MAEL: variants seen among roughly 807,000 people sequenced by gnomAD.
The protein encoded by MAEL is protein maelstrom homolog.
In MAEL, 46 loss-of-function variants were observed where a neutral mutation model predicts 62.0. That is an observed-to-expected ratio of 0.74 (90% CI 0.59 to 0.95). The LOEUF (loss-of-function observed/expected upper bound fraction) is 0.95. MAEL is among the 40% of genes least tolerant of loss of function. The pLI, the probability that MAEL is intolerant of heterozygous loss-of-function variation, is 0.00. For synonymous variants in MAEL, 172 were observed against 175.5 expected (o/e 0.98, Z 0.16); for missense variants, 497 against 526.8 (o/e 0.94, Z 0.55).
At chr1:166,987,461 G>C (rs1050025900), upstream of MAEL, among the ~76,000 whole-genome samples, 5 of 152,142 alleles carry the variant, frequency 3.3e-5, no homozygotes. Context: ...GAGCTCTTAT[G>C]AATAGTGCTA....
intron 1 of MAEL, among the ~76,000 whole-genome samples, chr1:166,980,756 C>T (rs1663736991): frequency 6.6e-6 from 1 of 152,070 alleles, no homozygotes; most frequent in Admixed American, 6.6e-5. Flanking sequence ...ATTGACAGCC[C>T]CCCAGATGAG....
rs1430065372 is a variant in MAEL at position 166,991,412 on chromosome 1, T to C, written c.260T>C (p.Met87Thr). ...TTCACACCACTGAGGAGGCCAGGCA[T>C]GCTTGTACCAAAGCAGAATGTTTCA... is the stretch of plus-strand genomic sequence containing the variant. Reference protein sequence around the residue: ...PVFTPLRRPGMLVPKQNVSPP... With the variant: ...PVFTPLRRPGTLVPKQNVSPP... Residue 87 changes from methionine to threonine, a missense_variant, in exon 3 of 12, where the codon ATG becomes ACG. Met to Thr is a moderately conservative substitution (Grantham distance 81). Transcript: ENST00000367872. 5 of 1,613,432 alleles carry C rather than the reference T, an allele frequency of 3.1e-6. No individual in the cohort carries two copies. Among genetic ancestry groups the C allele is most frequent in the Non-Finnish European group, 4.2e-6 (5 of 1,179,538 alleles).
chr1:167,017,956 C>T lies in MAEL; in HGVS notation c.1038C>T (p.Tyr346=), dbSNP rs149792560. 622 of 1,612,782 alleles carry T rather than the reference C, an allele frequency of 3.9e-4. 6 individuals are homozygous for T. The African/African-American group carries it at 7.3e-3, about 19-fold the overall frequency. Residue 346 remains tyrosine, a synonymous_variant, in exon 10 of 12, where the codon TAC becomes TAT. Transcript: ENST00000367872. ...TGGTTGTATTGGATGCAGGGCGTTA[C>T]CAGGTAAGGAACTGACTTTTAAGAG... The part of the protein sequence containing the change: ...PKMVVLDAGR[Y]QKLRVGSSGF...
chr1:166,984,296 C>T (rs1296396234), upstream of MAEL, among the ~76,000 whole-genome samples: 2 of 152,174 alleles, frequency 1.3e-5, no homozygotes, highest in African/African-American at 4.8e-5. Context: ...CACATGGACT[C>T]CTGAAGGAGC....
upstream of MAEL, among the ~76,000 whole-genome samples, chr1:166,988,481 C>A (rs1664001583): frequency 6.6e-6 from 1 of 151,580 alleles, no homozygotes; most frequent in Non-Finnish European, 1.5e-5. Context: ...TATACATACA[C>A]TTAGAAAGCT....
intron 5 of MAEL, among the ~76,000 whole-genome samples, chr1:166,999,528 G>A (rs939773973): frequency 5.9e-5 from 9 of 152,248 alleles, no homozygotes; most frequent in African/African-American, 2.2e-4. Flanking sequence ...TTTAAGGAAA[G>A]AAGCCATCTC....
In MAEL at chr1:167,005,206, A is replaced by G. The variant is rs746463825; in HGVS notation, c.704-50A>G. 1.2e-5 allele frequency: 19 copies of G among 1,609,662 alleles called. No homozygotes were observed. The Admixed American group carries it at 3.0e-4, about 26-fold the overall frequency. On this transcript the variant is annotated intron_variant, in intron 7 of 11. Transcript: ENST00000367872. ...ATTTGTTTCCACTTTGATATCTTCC[A>G]GGTATCTAAATTTACTAATTGTATG... is the stretch of plus-strand genomic sequence containing the variant.
intron 8 of MAEL, among the ~76,000 whole-genome samples, chr1:167,010,470 G>A (rs1183134013): frequency 6.6e-6 from 1 of 151,554 alleles, no homozygotes. Flanking sequence ...TTTTTAAAGA[G>A]AGTCTTGCTC....
intron 2 of MAEL, among the ~76,000 whole-genome samples, chr1:166,990,933 C>G (rs1664145048): frequency 6.6e-6 from 1 of 152,104 alleles, no homozygotes; most frequent in Admixed American, 6.5e-5. Flanking sequence ...ACTTGCAAGC[C>G]TTATTCTTAC....
At chr1:167,001,406 A>T (rs999973511) in intron 5 of MAEL, among the ~76,000 whole-genome samples, 1 of 152,218 alleles carries the variant, frequency 6.6e-6, no homozygotes, top group Non-Finnish European at 1.5e-5. Flanking sequence ...CCAAAAACCT[A>T]CGGAAATAAA....
rs747509498 is a variant in MAEL at position 166,991,491 on chromosome 1, G to A, written c.325+14G>A. The stretch of plus-strand genomic sequence containing the variant: ...AAGGTGATCAAGGTAGAGTAATCCT[G>A]AAATATTTTGCTGAGATAAATTTGA... On this transcript the variant is annotated intron_variant, in intron 3 of 11. Transcript: ENST00000367872. 3 of 1,530,700 alleles carry A rather than the reference G, an allele frequency of 2.0e-6. No homozygotes were observed. Among genetic ancestry groups the A allele is most frequent in the Non-Finnish European group, 2.7e-6 (3 of 1,105,226 alleles). 94.8% of individuals were successfully genotyped at this position (1,530,700 alleles called of 1,614,324 possible). A position where few individuals can be genotyped will look rare whatever the true frequency, so the allele number is the denominator to read the frequency against.
chr1:166,989,392 T>C lies in MAEL; in HGVS notation c.40T>C (p.Phe14Leu). 6.2e-7 allele frequency: 1 copy of C among 1,608,106 alleles called. No individual in the cohort carries two copies. Among genetic ancestry groups the C allele is most frequent in the Non-Finnish European group, 8.5e-7 (1 of 1,177,468 alleles). Residue 14 changes from phenylalanine to leucine, a missense_variant, in exon 1 of 12, where the codon TTC becomes CTC. By Grantham distance (22) the Phe-to-Leu change is conservative. Transcript: ENST00000367872. The part of the protein sequence containing the change: ...RKASRNAYYF[F>L]VQEKIPELRR... ...GGCCAGCCGGAATGCTTACTATTTC[T>C]TCGTGCAGGAGAAGATCCCCGAACT...
Position 166,989,727 on chromosome 1 carries a change from T to A in MAEL, c.133-10T>A. ...CTGTTTCTCTTCTTTGCTCCTTCAA[T>A]CCCCAAAAGCTTCTGAGGGAGGAAG... On this transcript the variant is annotated splice_polypyrimidine_tract_variant and intron_variant, in intron 1 of 11. Transcript: ENST00000367872. 1 of 1,612,148 alleles carries A rather than the reference T, an allele frequency of 6.2e-7. No individual in the cohort carries two copies. Among genetic ancestry groups the A allele is most frequent in the South Asian group, 1.1e-5 (1 of 90,600 alleles).
rs1295162731 is a variant in MAEL at position 167,006,601 on chromosome 1, C to CCATATATATATATATA, written c.845+1204_845+1205insCATATATATATATATA. Among the ~76,000 whole-genome samples, 33 of 98,080 alleles carry CCATATATATATATATA rather than the reference C, an allele frequency of 3.4e-4. 1 individual carries two copies. The highest frequency in any genetic ancestry group is 9.0e-4 in the African/African-American group (26 of 28,836). The allele number at this position is 98,080 out of a possible 152,430, so 64.3% of individuals were successfully genotyped here. A position where few individuals can be genotyped will look rare whatever the true frequency, so the allele number is the denominator to read the frequency against. On this transcript the variant is annotated intron_variant, in intron 8 of 11. Coordinates refer to ENST00000367872, the MANE Select transcript of MAEL (RefSeq NM_032858.3). The stretch of plus-strand genomic sequence containing the variant: ...CTATTGGAAAGTTACTGGTTTTTTA[C>CCATATATATATATATA]TATATATATATATATATATATATAT...
chr1:167,010,081 G>A (rs1252029165), intron 8 of MAEL, among the ~76,000 whole-genome samples: 1 of 152,160 alleles, frequency 6.6e-6, no homozygotes, highest in African/African-American at 2.4e-5. Flanking sequence ...ACCAGGTGGA[G>A]GTAACTGGAT....
At chr1:167,003,432 T>C (rs1486454534) in intron 5 of MAEL, among the ~76,000 whole-genome samples, 1 of 152,222 alleles carries the variant, frequency 6.6e-6, no homozygotes, top group African/African-American at 2.4e-5. Context: ...GAGTATTTGG[T>C]GGAAGTAATG....
intron 5 of MAEL, among the ~76,000 whole-genome samples, chr1:166,999,475 T>A (rs979337703): frequency 6.6e-6 from 1 of 152,222 alleles, no homozygotes; most frequent in African/African-American, 2.4e-5. Flanking sequence ...GTGAGGAAGC[T>A]GCAGAATAAA....
rs375663463 is a variant in MAEL, at chr1:166,992,745, C to T, written c.385C>T (p.His129Tyr). 1 of 1,611,228 alleles carries T rather than the reference C, an allele frequency of 6.2e-7. No homozygotes were observed. Among genetic ancestry groups the T allele is most frequent in the Non-Finnish European group, 8.5e-7 (1 of 1,178,982 alleles). The change falls in exon 4 of 12, where the codon CAT (histidine) becomes TAT (tyrosine). Residue 129 changes from histidine (H) to tyrosine (Y), a missense_variant. His to Tyr is a moderately conservative substitution (Grantham distance 83). Transcript: ENST00000367872. The stretch of plus-strand genomic sequence containing the variant: ...TTTTAGCCATGGCGAGCTACCTCCT[C>T]ATTGTGAACAGCGCTTCCTCCCTTG... ...NIFSHGELPP[H>Y]CEQRFLPCEI...
At chr1:167,016,113 T>C in intron 8 of MAEL, 109 bp from the exon 9 acceptor site, 1 of 927,338 alleles carries the variant, frequency 1.1e-6, no homozygotes, top group Non-Finnish European at 1.8e-6. Flanking sequence ...GAAGTTTTAG[T>C]CTTCAAGTAA....
Sources: gnomAD v4.1 joint callset for allele counts (sites outside exome capture counted in the v4.1 genomes callset) on GRCh38, gnomAD v4.1.1 for gene constraint, MANE v1.5 for transcripts, NCBI Gene and HGNC (gene_info 2026-07-23, HGNC 2026-07-21) for gene names.